CREBZF: variants seen among roughly 807,000 people sequenced by gnomAD.
The protein encoded by CREBZF is HCF-binding transcription factor Zhangfei.
CREBZF carries 8 observed loss-of-function variants against 21.1 expected under a neutral mutation model. The ratio of observed to expected loss-of-function variants is 0.38; its 90% CI spans 0.22 to 0.68. The LOEUF is 0.68. Ranked by LOEUF, CREBZF falls within the 30% of genes least tolerant of loss-of-function variation. CREBZF has a pLI of 0.51. For synonymous variants in CREBZF, 270 were observed against 223.3 expected, an observed-to-expected ratio of 1.21 and a Z score of -1.86; for missense variants, 518 against 484.3, an observed-to-expected ratio of 1.07 and a Z score of -0.65.
Position 85,663,557 on chromosome 11 carries a change from C to T in CREBZF, c.*254G>A. 7.0e-7 allele frequency: 1 copy of T among 1,429,202 alleles called. No individual in the cohort carries two copies. The highest frequency in any genetic ancestry group is 9.7e-7 in the Non-Finnish European group (1 of 1,036,172). The allele number at this position is 1,429,202 out of a possible 1,614,324, so 88.5% of individuals were successfully genotyped here. The stretch of plus-strand genomic sequence containing the variant: ...GAGGCGGGAACGACTGTTCTGTAAC[C>T]CCTACAACGGAGCCTGGCAGGAAGG... On this transcript the variant is annotated 3_prime_UTR_variant, in exon 1 of 1. Coordinates refer to ENST00000527447, the MANE Select transcript of CREBZF (RefSeq NM_001039618.4).
rs2082619840 is a variant in CREBZF, at chr11:85,659,692, A to G, written c.*4119T>C. The G allele has an allele frequency of 6.6e-6, 1 of 152,096 alleles. No homozygotes were observed. The highest frequency in any genetic ancestry group is 2.4e-5 in the African/African-American group (1 of 41,434). 9.4% of individuals were successfully genotyped at this position (152,096 alleles called of 1,614,324 possible). ...ATTAACATAATCCAACAAAAATGAA[A>G]TAAAACAATCCAGAGTTTTGAGTGT... On this transcript the variant is annotated 3_prime_UTR_variant, in exon 1 of 1. Coordinates refer to ENST00000527447, the MANE Select transcript of CREBZF (RefSeq NM_001039618.4).
upstream of CREBZF, among the ~76,000 whole-genome samples, chr11:85,669,152 G>C (rs908752855): frequency 2.0e-5 from 3 of 151,822 alleles, no homozygotes; most frequent in Admixed American, 6.6e-5. Flanking sequence ...AAGTCTTTGG[G>C]GGGAAGGAGC....
At chr11:85,675,063 A>G (rs1263300351) in intron 1 of CREBZF, among the ~76,000 whole-genome samples, 1 of 152,180 alleles carries the variant, frequency 6.6e-6, no homozygotes, top group Non-Finnish European at 1.5e-5. Context: ...GGCTGGTTTG[A>G]TCTTCTATCC....
chr11:85,677,260 C>G (rs538971800), intron 1 of CREBZF, among the ~76,000 whole-genome samples: 1 of 152,048 alleles, frequency 6.6e-6, no homozygotes, highest in East Asian at 1.9e-4. Flanking sequence ...CCACCACACC[C>G]GGCTTAAGTC....
upstream of CREBZF, among the ~76,000 whole-genome samples, chr11:85,668,634 T>G (rs538477417): frequency 1.0e-3 from 159 of 152,278 alleles, 1 homozygote; most frequent in African/African-American, 3.7e-3. Context: ...GCCAACTTCC[T>G]TATCTTATTC....
chr11:85,669,038 A>AAAAAAAAAAG (rs2082892670), upstream of CREBZF, among the ~76,000 whole-genome samples: 2 of 128,706 alleles, frequency 1.6e-5, no homozygotes, highest in African/African-American at 2.9e-5. Context: ...AAAAAAAAAA[A>AAAAAAAAAAG]AAAGAAACAT....
intron 1 of CREBZF, among the ~76,000 whole-genome samples, chr11:85,670,692 G>A (rs1003955111): frequency 6.6e-6 from 1 of 152,164 alleles, no homozygotes; most frequent in African/African-American, 2.4e-5. Flanking sequence ...TTCAGCTGGA[G>A]CACCAGAATA....
At chr11:85,674,394 T>C (rs1029931209) in intron 1 of CREBZF, among the ~76,000 whole-genome samples, 6 of 152,234 alleles carry the variant, frequency 3.9e-5, no homozygotes, top group African/African-American at 1.4e-4. Flanking sequence ...GCAGCAGTTC[T>C]CAACAGTGGG....
In CREBZF at chr11:85,664,509, C is replaced by A; in HGVS notation, c.367G>T (p.Gly123Trp). ...PRQPDWHLDP[G>W]LSSPGPLSSS... ...GAGAGAGGCCCCGGCGAGCTAAGCC[C>A]GGGGTCCAGGTGCCAGTCCGGTTGC... The change falls in exon 1 of 1, where the codon GGG becomes TGG. Residue 123 changes from glycine (G) to tryptophan (W), a missense_variant. Physicochemically the swap from Gly to Trp is radical, Grantham distance 184 (BLOSUM62 -2). Around this residue, in one of 3 missense-constraint regions of CREBZF, gnomAD observed 396 missense variants for 324.4 expected, o/e 1.22. Transcript: ENST00000527447. The surrounding 1 kb of genome is among the most constrained non-coding windows in gnomAD (Gnocchi z 5.5). The A allele has an allele frequency of 6.2e-7, 1 of 1,613,680 alleles. No individual in the cohort carries two copies. The highest frequency in any genetic ancestry group is 1.1e-5 in the South Asian group (1 of 91,064).
intron 1 of CREBZF, among the ~76,000 whole-genome samples, chr11:85,671,714 C>T (rs935578999): frequency 5.9e-5 from 9 of 152,234 alleles, no homozygotes; most frequent in Non-Finnish European, 1.3e-4. Context: ...TGTCTCACAC[C>T]CAAGTCACAT....
rs1202195194 is a variant in CREBZF at position 85,661,814 on chromosome 11, T to C, written c.*1997A>G. ...TTTTTGTCATTGGTACTGCACAAAA[T>C]TATATACAAAGAAATATATACAAAA... On this transcript the variant is annotated 3_prime_UTR_variant, in exon 1 of 1. Coordinates refer to ENST00000527447, the MANE Select transcript of CREBZF (RefSeq NM_001039618.4). 2 of 152,456 alleles carry C rather than the reference T, an allele frequency of 1.3e-5. No individual in the cohort carries two copies. Among genetic ancestry groups the C allele is most frequent in the Non-Finnish European group, 2.9e-5 (2 of 67,970 alleles). The allele number at this position is 152,456 out of a possible 1,614,324, so 9.4% of individuals were successfully genotyped here.
intron 1 of CREBZF, among the ~76,000 whole-genome samples, chr11:85,677,210 G>A (rs986529694): frequency 4.0e-5 from 6 of 151,776 alleles, no homozygotes; most frequent in Non-Finnish European, 8.8e-5. Context: ...GGTGATCCAC[G>A]CACCTTGGCC....
In CREBZF at chr11:85,658,575, T is replaced by C. The variant is rs1274662606; in HGVS notation, c.*5236A>G. 6.6e-6 allele frequency among the ~76,000 whole-genome samples: 1 copy of C among 152,034 alleles called. No homozygotes were observed. Among genetic ancestry groups the C allele is most frequent in the African/African-American group, 2.4e-5 (1 of 41,434 alleles). ...GAAGTAAACTACCCTCAATCAATTT[T>C]TATATTTCAGTCTAGTCACTGTAGA... On this transcript the variant is annotated 3_prime_UTR_variant, in exon 1 of 1. Transcript: ENST00000527447.
At chr11:85,668,721 G>A (rs887084554), upstream of CREBZF, among the ~76,000 whole-genome samples, 6 of 152,044 alleles carry the variant, frequency 3.9e-5, no homozygotes, top group Admixed American at 6.5e-5. Flanking sequence ...AGAAACATGC[G>A]GCCGGGCGCG....
At chr11:85,672,001 G>A (rs76328362) in intron 1 of CREBZF, among the ~76,000 whole-genome samples, 1 of 152,256 alleles carries the variant, frequency 6.6e-6, no homozygotes, top group African/African-American at 2.4e-5. Context: ...CTCCATGGGA[G>A]CCCCGCTCCT....
chr11:85,663,746 T>C lies in CREBZF; in HGVS notation c.*65A>G. 3 of 1,587,394 alleles carry C rather than the reference T, an allele frequency of 1.9e-6. No individual in the cohort carries two copies. The highest frequency in any genetic ancestry group is 2.6e-6 in the Non-Finnish European group (3 of 1,167,704). ...GTCCGGTGAAGATGTCCCACTAAGG[T>C]AAGTTTGACATGGTGTAAGGGAGTT... On this transcript the variant is annotated 3_prime_UTR_variant, in exon 1 of 1. Coordinates refer to ENST00000527447, the MANE Select transcript of CREBZF (RefSeq NM_001039618.4).
At chr11:85,682,859 G>C (rs1246385540) in exon 1 of CREBZF, 2 of 702,266 alleles carry the variant, frequency 2.8e-6, no homozygotes, top group Non-Finnish European at 5.2e-6. Flanking sequence ...GGACGTACAG[G>C]TTGTGGGAGG....
intron 1 of CREBZF, among the ~76,000 whole-genome samples, chr11:85,680,449 C>G (rs760656162): frequency 2.0e-5 from 3 of 152,190 alleles, no homozygotes; most frequent in Non-Finnish European, 4.4e-5. Context: ...ATTAGATCAT[C>G]AAGTGGGAAC....
At chr11:85,670,906 G>C (rs2082907530) in intron 1 of CREBZF, among the ~76,000 whole-genome samples, 1 of 152,068 alleles carries the variant, frequency 6.6e-6, no homozygotes, top group Non-Finnish European at 1.5e-5. Context: ...TATTAGGGTG[G>C]GTTCTAATTC....
Sources: gnomAD v4.1 joint callset for allele counts (sites outside exome capture counted in the v4.1 genomes callset) on GRCh38, gnomAD v4.1.1 for gene constraint, gnomAD v4.1.1 regional missense constraint, Gnocchi (gnomAD v3.1) non-coding constraint, MANE v1.5 for transcripts, NCBI Gene and HGNC (gene_info 2026-07-23, HGNC 2026-07-21) for gene names.